LINGO2: variants seen among roughly 807,000 people sequenced by gnomAD.
The protein encoded by LINGO2 is leucine rich repeat and Ig domain containing 2.
Under a neutral mutation model 30.6 loss-of-function variants are expected in LINGO2, and 14 were observed. The observed-to-expected ratio is 0.46, with a 90% CI of 0.30 to 0.72. The LOEUF (loss-of-function observed/expected upper bound fraction) is 0.72. Ranked by LOEUF, LINGO2 falls within the 30% of genes least tolerant of loss-of-function variation. The probability of loss-of-function intolerance (pLI) is 0.07; values close to 1 mark genes in which losing one functional copy is unlikely to be tolerated. For synonymous variants in LINGO2, 317 were observed against 288.5 expected (o/e 1.10, Z -1.00); for missense variants, 729 against 751.7 (o/e 0.97, Z 0.35).
chr9:28,938,316 C>T, the LINGO2 span, among the ~76,000 whole-genome samples: 10 of 152,152 alleles, frequency 6.6e-5, no homozygotes, highest in Middle Eastern at 3.2e-3. Flanking sequence ...AACATGCTTT[C>T]TCATTTTTTA....
chr9:28,958,312 AC>A, the LINGO2 span, among the ~76,000 whole-genome samples: 1 of 152,184 alleles, frequency 6.6e-6, no homozygotes. Flanking sequence ...TCTCATGGTG[AC>A]CCTGTAATGA....
intron 1 of LINGO2, among the ~76,000 whole-genome samples, chr9:28,525,426 T>C (rs1162211530): frequency 6.6e-6 from 1 of 152,146 alleles, no homozygotes; most frequent in Non-Finnish European, 1.5e-5. Context: ...CATCAATTGT[T>C]TAATGTAATG....
chr9:28,433,147 T>C (rs573916248), intron 2 of LINGO2, among the ~76,000 whole-genome samples: 33 of 152,236 alleles, frequency 2.2e-4, no homozygotes, highest in African/African-American at 7.9e-4. Flanking sequence ...GAGGTAACAG[T>C]AGATGGTTTC....
intron 4 of LINGO2, among the ~76,000 whole-genome samples, chr9:28,229,748 T>C (rs1205592754): frequency 6.6e-6 from 1 of 151,722 alleles, no homozygotes; most frequent in Non-Finnish European, 1.5e-5. Flanking sequence ...TATCAATCAA[T>C]TAGAAACAGA....
chr9:27,967,630 A>AT (rs1365254730), intron 5 of LINGO2, among the ~76,000 whole-genome samples: 1 of 152,196 alleles, frequency 6.6e-6, no homozygotes, highest in East Asian at 1.9e-4. Context: ...AGACACAGGC[A>AT]TCTGGAAAAT....
At chr9:28,518,716 C>G (rs1261922114) in intron 1 of LINGO2, among the ~76,000 whole-genome samples, 1 of 152,170 alleles carries the variant, frequency 6.6e-6, no homozygotes, top group Non-Finnish European at 1.5e-5. Context: ...CCAATTCAAA[C>G]TGGACAAAGT....
the LINGO2 span, among the ~76,000 whole-genome samples, chr9:28,800,193 T>G: frequency 1.9e-3 from 292 of 152,194 alleles, 1 homozygote; most frequent in African/African-American, 6.9e-3. Flanking sequence ...TCTTTTCAGC[T>G]GCAGTAACTC....
At chr9:29,203,536 C>CA in the LINGO2 span, among the ~76,000 whole-genome samples, 1 of 152,158 alleles carries the variant, frequency 6.6e-6, no homozygotes, top group African/African-American at 2.4e-5. Flanking sequence ...CCAACTCTGA[C>CA]AAAAAATAAA....
chr9:28,688,212 A>G, the LINGO2 span, among the ~76,000 whole-genome samples: 5 of 152,182 alleles, frequency 3.3e-5, 1 homozygote, highest in Non-Finnish European at 5.9e-5. Context: ...TGACCCCATT[A>G]AACTCCTTTA....
At chr9:28,322,670 C>T (rs1477937439) in intron 3 of LINGO2, among the ~76,000 whole-genome samples, 5 of 152,240 alleles carry the variant, frequency 3.3e-5, no homozygotes, top group African/African-American at 1.2e-4. Flanking sequence ...TACTGATTGT[C>T]TATCACTACC....
intron 3 of LINGO2, among the ~76,000 whole-genome samples, chr9:28,311,864 G>A (rs1453003113): frequency 6.6e-6 from 1 of 152,148 alleles, no homozygotes; most frequent in Admixed American, 6.5e-5. Flanking sequence ...AATCACAAGG[G>A]TATTGATAGG....
At chr9:28,131,956 A>AT (rs1827389832) in intron 4 of LINGO2, among the ~76,000 whole-genome samples, 1 of 152,180 alleles carries the variant, frequency 6.6e-6, no homozygotes, top group Non-Finnish European at 1.5e-5. Context: ...GATTTGGGGG[A>AT]TCAAGGCTTG....
At chr9:28,878,038 T>A in the LINGO2 span, among the ~76,000 whole-genome samples, 1 of 152,138 alleles carries the variant, frequency 6.6e-6, no homozygotes, top group Non-Finnish European at 1.5e-5. Context: ...CAAAAATTAA[T>A]GAATCCGGGA....
intron 1 of LINGO2, among the ~76,000 whole-genome samples, chr9:28,540,510 T>C (rs3955282): frequency 0.062 from 9,396 of 152,116 alleles, 535 homozygotes; most frequent in African/African-American, 0.14. Context: ...TATCCACCGG[T>C]TTCAGCTTCC....
the LINGO2 span, among the ~76,000 whole-genome samples, chr9:28,832,738 G>A: frequency 2.6e-5 from 4 of 152,296 alleles, no homozygotes; most frequent in African/African-American, 7.2e-5. Context: ...ATCCAGCCAT[G>A]TCTTTCAAAC....
At chr9:29,073,462 A>G in the LINGO2 span, among the ~76,000 whole-genome samples, 3 of 152,196 alleles carry the variant, frequency 2.0e-5, no homozygotes, top group Non-Finnish European at 4.4e-5. Context: ...TGTTTTCCAT[A>G]TAGTCTATGA....
the LINGO2 span, among the ~76,000 whole-genome samples, chr9:29,008,984 C>T: frequency 7.0e-3 from 1,070 of 152,218 alleles, 15 homozygotes; most frequent in African/African-American, 0.024. Context: ...AATTCAACAG[C>T]GCTTCATGCT....
the LINGO2 span, among the ~76,000 whole-genome samples, chr9:29,107,000 C>T: frequency 6.6e-6 from 1 of 152,128 alleles, no homozygotes; most frequent in African/African-American, 2.4e-5. Context: ...CTAGCCAATG[C>T]TTTGTACTTA....
chr9:28,510,603 A>T (rs1820336613), intron 1 of LINGO2, among the ~76,000 whole-genome samples: 1 of 151,956 alleles, frequency 6.6e-6, no homozygotes, highest in Non-Finnish European at 1.5e-5. Flanking sequence ...ACATTCAGTG[A>T]AACTTTTATT....
Sources: gnomAD v4.1 joint callset for allele counts (sites outside exome capture counted in the v4.1 genomes callset) on GRCh38, gnomAD v4.1.1 for gene constraint, MANE v1.5 for transcripts, NCBI Gene and HGNC (gene_info 2026-07-23, HGNC 2026-07-21) for gene names.